WWP1: variants seen among roughly 807,000 people sequenced by gnomAD.
The protein encoded by WWP1 is NEDD4-like E3 ubiquitin-protein ligase WWP1.
WWP1 carries 49 observed loss-of-function variants against 130.6 expected under a neutral mutation model. The observed-to-expected ratio is 0.38, with a 90% confidence interval of 0.30 to 0.48. WWP1 has a LOEUF of 0.48. Among genes scored for constraint, WWP1 ranks in the 20% least tolerant of loss-of-function variants. The pLI, the probability that WWP1 is intolerant of heterozygous loss-of-function variation, is 0.99. For missense variants in WWP1, 809 were observed against 1,100.6 expected (o/e 0.74, Z 3.75); for synonymous variants, 332 against 367.8 (o/e 0.90, Z 1.11).
chr8:86,382,693 C>G (rs994002705), intron 5 of WWP1, among the ~76,000 whole-genome samples: 6 of 151,976 alleles, frequency 3.9e-5, no homozygotes, highest in Non-Finnish European at 7.4e-5. Flanking sequence ...GGGTGAGACT[C>G]CATCTCAAAC....
At chr8:86,439,802 C>T (rs562161999) in intron 17 of WWP1, among the ~76,000 whole-genome samples, 1 of 152,248 alleles carries the variant, frequency 6.6e-6, no homozygotes, top group South Asian at 2.1e-4. Flanking sequence ...TTTAGCAAAA[C>T]ATTTTGATTA....
rs1822263209 is a variant in WWP1, at chr8:86,342,714, G to A, written c.-331G>A. 1 of 330,492 alleles carries A rather than the reference G, an allele frequency of 3.0e-6. No homozygotes were observed. The highest frequency in any genetic ancestry group is 5.0e-5 in the Admixed American group (1 of 20,004). 20.5% of individuals were successfully genotyped at this position (330,492 alleles called of 1,614,324 possible). On this transcript the variant is annotated 5_prime_UTR_variant, in exon 1 of 25. Transcript: ENST00000517970. Reference sequence around the variant, plus strand: ...CTGGGGGTGGCGCGTGGACGGGGTGGGGGTGGGGGGAGGGTCGGGTGTCGG... The same window carrying A: ...CTGGGGGTGGCGCGTGGACGGGGTGAGGGTGGGGGGAGGGTCGGGTGTCGG...
intron 7 of WWP1, among the ~76,000 whole-genome samples, chr8:86,400,311 C>T (rs1807901444): frequency 1.3e-5 from 2 of 149,912 alleles, no homozygotes; most frequent in South Asian, 4.2e-4. Flanking sequence ...CAGCTCTGGG[C>T]GACAGAGCAA....
intron 22 of WWP1, among the ~76,000 whole-genome samples, chr8:86,460,415 T>C (rs1811692871): frequency 6.6e-6 from 1 of 152,174 alleles, no homozygotes; most frequent in Non-Finnish European, 1.5e-5. Context: ...ACAAATCATT[T>C]AAACTCTCTA....
intron 21 of WWP1, among the ~76,000 whole-genome samples, chr8:86,453,230 A>C (rs992334433): frequency 6.6e-6 from 1 of 151,930 alleles, no homozygotes; most frequent in Non-Finnish European, 1.5e-5. Context: ...CTACCCTTCT[A>C]CTTTGTTTCT....
In WWP1 at chr8:86,358,641, G is replaced by GT. The variant is rs199656588; in HGVS notation, c.-114-10289dup. On this transcript the variant is annotated intron_variant, in intron 1 of 24. Coordinates refer to ENST00000517970, the MANE Select transcript of WWP1 (RefSeq NM_007013.4). ...GAATGCACCACCACACCCAGCTATTGTTTTTTTTTAATTTCCTTTATTTTG... is the reference window on the plus strand; with the variant it reads ...GAATGCACCACCACACCCAGCTATTGTTTTTTTTTTAATTTCCTTTATTTTG... Among the ~76,000 whole-genome samples the GT allele has an allele frequency of 2.7e-3, 412 of 149,932 alleles. 3 individuals are homozygous for GT. Among genetic ancestry groups the GT allele is most frequent in the African/African-American group, 9.0e-3 (366 of 40,872 alleles).
intron 20 of WWP1, among the ~76,000 whole-genome samples, chr8:86,452,286 C>T (rs1811214936): frequency 6.6e-6 from 1 of 152,012 alleles, no homozygotes. Flanking sequence ...TGAAGAACCT[C>T]CTATTTATTT....
At chr8:86,352,037 T>TG (rs1344522799) in intron 1 of WWP1, among the ~76,000 whole-genome samples, 3 of 116,048 alleles carry the variant, frequency 2.6e-5, no homozygotes, top group Non-Finnish European at 2.0e-5. Flanking sequence ...GCTAAAATAT[T>TG]CCTTTTTTTT....
At chr8:86,444,919 G>A (rs1563539931) in intron 18 of WWP1, among the ~76,000 whole-genome samples, 1 of 152,138 alleles carries the variant, frequency 6.6e-6, no homozygotes, top group Non-Finnish European at 1.5e-5. Flanking sequence ...GAATACCAGA[G>A]GCTGGATAAT....
intron 5 of WWP1, among the ~76,000 whole-genome samples, chr8:86,383,485 T>TA (rs1477637685): frequency 1.3e-5 from 2 of 152,206 alleles, no homozygotes; most frequent in Non-Finnish European, 2.9e-5. Context: ...TTCATGCCTG[T>TA]AATCCCACCA....
chr8:86,435,847 C>CTT lies in WWP1; in HGVS notation c.1749+145_1749+146dup, dbSNP rs1554572446. 9.2e-6 allele frequency: 7 copies of CTT among 763,346 alleles called. No individual in the cohort carries two copies. The Admixed American group carries it at 2.1e-4, about 23-fold the overall frequency. 47.3% of individuals were successfully genotyped at this position (763,346 alleles called of 1,614,324 possible). A position where few individuals can be genotyped will look rare whatever the true frequency, so the allele number is the denominator to read the frequency against. ...ACTGCCACCACCACTTGTTGAGTGC[C>CTT]TTTGTTTTGTTTTGTTTTGTTCTGT... On this transcript the variant is annotated intron_variant, in intron 16 of 24. Coordinates refer to ENST00000517970, the MANE Select transcript of WWP1 (RefSeq NM_007013.4).
intron 14 of WWP1, among the ~76,000 whole-genome samples, chr8:86,434,048 A>C (rs1191427908): frequency 6.6e-6 from 1 of 151,986 alleles, no homozygotes; most frequent in South Asian, 2.1e-4. Flanking sequence ...CACCACCCCC[A>C]TTGCCACCAT....
chr8:86,368,155 T>C (rs1824079588), intron 1 of WWP1, among the ~76,000 whole-genome samples: 1 of 152,214 alleles, frequency 6.6e-6, no homozygotes, highest in Non-Finnish European at 1.5e-5. Context: ...CTTCGTGTCA[T>C]ATACTCTAAG....
chr8:86,447,052 G>C (rs546367526), intron 18 of WWP1, among the ~76,000 whole-genome samples: 1 of 152,272 alleles, frequency 6.6e-6, no homozygotes, highest in East Asian at 1.9e-4. Context: ...ATCTAGGAAA[G>C]TGGGAGAGTG....
chr8:86,460,175 A>T (rs1038819890), intron 22 of WWP1, among the ~76,000 whole-genome samples: 19 of 152,230 alleles, frequency 1.2e-4, no homozygotes, highest in Non-Finnish European at 2.6e-4. Context: ...AGGAATGTGT[A>T]CTTTGGTTTT....
chr8:86,397,454 T>G (rs1425984279), intron 5 of WWP1, among the ~76,000 whole-genome samples: 1 of 152,012 alleles, frequency 6.6e-6, no homozygotes, highest in Admixed American at 6.6e-5. Context: ...ATTTTTTTTG[T>G]GATGAGAACA....
chr8:86,424,094 G>A (rs1319486904), intron 9 of WWP1, among the ~76,000 whole-genome samples: 5 of 148,826 alleles, frequency 3.4e-5, no homozygotes, highest in African/African-American at 7.4e-5. Context: ...CAGATGGGGC[G>A]GCTGCCAGGC....
At chr8:86,462,870 A>T (rs923632750) in intron 24 of WWP1, among the ~76,000 whole-genome samples, 4 of 151,170 alleles carry the variant, frequency 2.6e-5, no homozygotes, top group Non-Finnish European at 5.9e-5. Context: ...CATACCCTTG[A>T]GGTTTAAAGA....
rs180923012 is a variant in WWP1, at chr8:86,401,270, A to G, written c.540-749A>G. On this transcript the variant is annotated intron_variant, in intron 7 of 24. Transcript: ENST00000517970. Reference sequence around the variant, plus strand: ...TTTTTCAAGATTTAATAAAGTTATAATAGTTTCAGGCCAGGTACAATGGCT... The same window carrying G: ...TTTTTCAAGATTTAATAAAGTTATAGTAGTTTCAGGCCAGGTACAATGGCT... 2.4e-3 allele frequency among the ~76,000 whole-genome samples: 360 copies of G among 152,178 alleles called. 1 individual carries two copies. Among genetic ancestry groups the G allele is most frequent in the African/African-American group, 8.1e-3 (337 of 41,532 alleles).
Sources: allele counts gnomAD v4.1 joint callset (sites outside exome capture counted in the v4.1 genomes callset), GRCh38; gene constraint gnomAD v4.1.1; transcripts MANE v1.5; gene names NCBI Gene and HGNC (gene_info 2026-07-23, HGNC 2026-07-21).